The following KCNG2 variants were observed in gnomAD, a reference collection of about 807,000 sequenced individuals.
KCNG2 encodes voltage-gated potassium channel regulatory subunit KCNG2.
Under a neutral mutation model 12.3 loss-of-function variants are expected in KCNG2, and 7 were observed. The observed-to-expected ratio is 0.57, with a 90% confidence interval of 0.32 to 1.07. KCNG2 has a LOEUF of 1.07. Among genes scored for constraint, KCNG2 ranks in the 50% least tolerant of loss-of-function variants. The probability of loss-of-function intolerance (pLI) is 0.04; values close to 1 mark genes in which losing one functional copy is unlikely to be tolerated. For missense variants in KCNG2, 703 were observed against 726.0 expected (o/e 0.97, Z 0.36); for synonymous variants, 414 against 351.4 (o/e 1.18, Z -1.99).
Position 79,863,687 on chromosome 18 carries a change from C to A in KCNG2, c.20C>A (p.Ser7Tyr). 8.4e-7 allele frequency: 1 copy of A among 1,187,316 alleles called. No individual in the cohort carries two copies. The highest frequency in any genetic ancestry group is 1.6e-5 in the African/African-American group (1 of 62,766). 73.5% of individuals were successfully genotyped at this position (1,187,316 alleles called of 1,614,324 possible). A position where few individuals can be genotyped will look rare whatever the true frequency, so the allele number is the denominator to read the frequency against. The change falls in exon 3 of 4, where the codon TCC becomes TAC. Residue 7 changes from serine to tyrosine, a missense_variant. Coordinates refer to ENST00000316249, the MANE Select transcript of KCNG2 (RefSeq NM_012283.2). ...CTGCGCATGGAGCCATGGCCCTGCTCCCCGGGCGGCGGCGGCGGGACCCGC... is the reference window on the plus strand; with the variant it reads ...CTGCGCATGGAGCCATGGCCCTGCTACCCGGGCGGCGGCGGCGGGACCCGC... MEPWPC[S>Y]PGGGGGTRAR... is the part of the protein sequence containing the mutation.
At chr18:79,823,758 C>A (rs1479513645) in intron 1 of KCNG2, among the ~76,000 whole-genome samples, 1 of 152,042 alleles carries the variant, frequency 6.6e-6, no homozygotes, top group Non-Finnish European at 1.5e-5. Context: ...ACCTTAGTAT[C>A]GACATGTCCA....
chr18:79,887,277 G>A (rs984502728), intron 3 of KCNG2, among the ~76,000 whole-genome samples: 28 of 151,990 alleles, frequency 1.8e-4, no homozygotes, highest in African/African-American at 6.8e-4. Context: ...GAGGACATGG[G>A]GACAGGACAC....
At chr18:79,846,745 G>C (rs1016875511) in intron 1 of KCNG2, among the ~76,000 whole-genome samples, 3 of 152,212 alleles carry the variant, frequency 2.0e-5, no homozygotes, top group African/African-American at 4.8e-5. Flanking sequence ...AGCTGCAGTC[G>C]TATGCTCACT....
intron 1 of KCNG2, among the ~76,000 whole-genome samples, chr18:79,840,018 A>G (rs924087244): frequency 1.3e-5 from 2 of 152,260 alleles, no homozygotes; most frequent in Non-Finnish European, 2.9e-5. Context: ...CATACACTTA[A>G]TGGTGAAAGA....
chr18:79,858,433 T>C (rs1010442144), intron 2 of KCNG2, among the ~76,000 whole-genome samples: 3 of 152,262 alleles, frequency 2.0e-5, no homozygotes, highest in African/African-American at 7.2e-5. Context: ...ATAACATTCC[T>C]GTATGGAGGC....
intron 3 of KCNG2, among the ~76,000 whole-genome samples, chr18:79,885,272 C>G (rs780965081): frequency 6.6e-6 from 1 of 152,206 alleles, no homozygotes; most frequent in Non-Finnish European, 1.5e-5. Flanking sequence ...GGTGGCTGTG[C>G]GGGCCTCAAA....
intron 1 of KCNG2, among the ~76,000 whole-genome samples, chr18:79,806,489 G>T (rs1444241551): frequency 6.6e-6 from 1 of 152,214 alleles, no homozygotes; most frequent in Non-Finnish European, 1.5e-5. Context: ...GGTTGCTGGG[G>T]GCCCCTGAGT....
chr18:79,876,818 T>C (rs1161731288), intron 3 of KCNG2, among the ~76,000 whole-genome samples: 1 of 152,204 alleles, frequency 6.6e-6, no homozygotes, highest in Non-Finnish European at 1.5e-5. Flanking sequence ...TCATGGTGTT[T>C]GGCACAGAAC....
rs768589568 is a variant in KCNG2, at chr18:79,864,333, G to A, written c.624+42G>A. 1.2e-5 allele frequency: 17 copies of A among 1,421,804 alleles called. No individual in the cohort carries two copies. The Admixed American group carries it at 3.7e-4, about 31-fold the overall frequency. The allele number at this position is 1,421,804 out of a possible 1,614,324, so 88.1% of individuals were successfully genotyped here. A position where few individuals can be genotyped will look rare whatever the true frequency, so the allele number is the denominator to read the frequency against. On this transcript the variant is annotated intron_variant, in intron 3 of 3. Transcript: ENST00000316249. ...GTGGCGGGGACCGGGCCGGAGCTGG[G>A]GCTGGGCTGGGATCTGGGCTGCGGG...
At chr18:79,832,046 G>A (rs911088900) in intron 1 of KCNG2, among the ~76,000 whole-genome samples, 6 of 152,114 alleles carry the variant, frequency 3.9e-5, no homozygotes, top group Non-Finnish European at 7.4e-5. Flanking sequence ...AGGCACCCCC[G>A]GGCAGAGCAG....
intron 2 of KCNG2, among the ~76,000 whole-genome samples, chr18:79,858,557 G>A (rs942890729): frequency 6.6e-5 from 10 of 152,072 alleles, no homozygotes; most frequent in Non-Finnish European, 1.3e-4. Flanking sequence ...GTGAACACAT[G>A]TTTTCATTTG....
rs1981115059 is a variant in KCNG2, at chr18:79,899,409, G to T, written c.994G>T (p.Ala332Ser). 1.3e-6 allele frequency: 2 copies of T among 1,584,032 alleles called. No individual in the cohort carries two copies. Among genetic ancestry groups the T allele is most frequent in the East Asian group, 2.3e-5 (1 of 43,400 alleles). The stretch of plus-strand genomic sequence containing the variant: ...GCTGCTGCTGCTGTTCCTCTGCGTG[G>T]CCATGGCGCTCTTCGCGCCACTGGT... ...FGLLLLFLCV[A>S]MALFAPLVHL... is the part of the protein sequence containing the mutation. Residue 332 changes from alanine to serine, a missense_variant, in exon 4 of 4, where the codon GCC (alanine) becomes TCC (serine). Ala to Ser is a moderately conservative substitution (Grantham distance 99). Transcript: ENST00000316249.
At chr18:79,885,023 A>G (rs983490166) in intron 3 of KCNG2, among the ~76,000 whole-genome samples, 1 of 151,786 alleles carries the variant, frequency 6.6e-6, no homozygotes, top group African/African-American at 2.4e-5. Context: ...GCTTGCTCAC[A>G]CCCCTCACAG....
chr18:79,871,746 T>G (rs887355557), intron 3 of KCNG2, among the ~76,000 whole-genome samples: 29 of 152,198 alleles, frequency 1.9e-4, no homozygotes, highest in Non-Finnish European at 1.5e-5. Context: ...CTGCGTCCCG[T>G]TGGCCTGGAC....
chr18:79,810,177 A>AG (rs997382776), intron 1 of KCNG2, among the ~76,000 whole-genome samples: 26 of 151,526 alleles, frequency 1.7e-4, no homozygotes, highest in Non-Finnish European at 3.1e-4. Context: ...AGGCGGTGGG[A>AG]GGGGGGAGTG....
At chr18:79,885,395 G>C (rs935495982) in intron 3 of KCNG2, among the ~76,000 whole-genome samples, 1 of 152,130 alleles carries the variant, frequency 6.6e-6, no homozygotes, top group Non-Finnish European at 1.5e-5. Context: ...TGAAAGTTCC[G>C]GAAACGTGCC....
At chr18:79,862,940 C>CAG (rs1041648304) in intron 2 of KCNG2, among the ~76,000 whole-genome samples, 1 of 152,230 alleles carries the variant, frequency 6.6e-6, no homozygotes, top group Non-Finnish European at 1.5e-5. Context: ...GCTGTCCCCG[C>CAG]AGAGCTGGGG....
intron 3 of KCNG2, among the ~76,000 whole-genome samples, chr18:79,865,718 AGAGGTCTGTGTTCTGAGGTCTGGGTGCT>A (rs1266842543): frequency 0.015 from 1,752 of 113,886 alleles, 14 homozygotes; most frequent in Non-Finnish European, 0.022. Flanking sequence ...CTGGGTGCTG[AGAGGTCTGTGTTCTGAGGTCTGGGTGCT>A]GAGGTCTGGG....
rs770268069 is a variant in KCNG2 at position 79,899,667 on chromosome 18, C to T, written c.1252C>T (p.Gln418Ter). The T allele has an allele frequency of 1.2e-6, 2 of 1,607,560 alleles. No homozygotes were observed. The highest frequency in any genetic ancestry group is 8.5e-7 in the Non-Finnish European group (1 of 1,177,730). The change falls in exon 4 of 4, where the codon CAG (glutamine) becomes TAG (stop). Residue 418 changes from glutamine (Q) to a stop codon, truncating the protein, a stop_gained. Coordinates refer to ENST00000316249, the MANE Select transcript of KCNG2 (RefSeq NM_012283.2). LOFTEE classifies it low-confidence loss of function (END_TRUNC). ...GCGCTCCTACTCCGAGCTCAAGGAG[C>T]AGCAGCAGCGCGCGGCCAGCCCCGA... ...FSRSYSELKE[Q>*]QQRAASPEPA...
Sources: gnomAD v4.1 joint callset for allele counts (sites outside exome capture counted in the v4.1 genomes callset) on GRCh38, gnomAD v4.1.1 for gene constraint, MANE v1.5 for transcripts, NCBI Gene and HGNC (gene_info 2026-07-23, HGNC 2026-07-21) for gene names.